The following MYO5B variants were observed in gnomAD, a reference collection of about 807,000 sequenced individuals.
MYO5B encodes unconventional myosin-Vb.
A neutral mutation model predicts 229.3 loss-of-function variants in MYO5B; 143 were observed. That is an observed-to-expected ratio of 0.62 (90% CI 0.54 to 0.72). MYO5B has a LOEUF of 0.72. MYO5B is among the 30% of genes least tolerant of loss of function. The pLI is 0.00. For synonymous variants in MYO5B, 918 were observed against 885.2 expected (o/e 1.04, Z -0.66); for missense variants, 2,321 against 2,331.0 (o/e 1.00, Z 0.09).
rs1021091439 is a variant in MYO5B at position 49,947,576 on chromosome 18, A to C, written c.1752+5684T>G. ...GTAATCAGATCAGGGCAATTGACAA[A>C]CTCCAATTATGTGTTTAGAGTTATT... On this transcript the variant is annotated intron_variant, in intron 14 of 39. Coordinates refer to ENST00000285039, the MANE Select transcript of MYO5B (RefSeq NM_001080467.3). Among the ~76,000 whole-genome samples the C allele has an allele frequency of 2.0e-5, 3 of 152,160 alleles. No individual in the cohort carries two copies. In the East Asian group the frequency reaches 5.8e-4, roughly 29 times the overall value.
rs573289133 is a variant in MYO5B at position 49,838,786 on chromosome 18, G to C, written c.4852+358C>G. Among the ~76,000 whole-genome samples, 3 of 152,218 alleles carry C rather than the reference G, an allele frequency of 2.0e-5. No individual in the cohort carries two copies. The South Asian group carries it at 6.2e-4, about 32-fold the overall frequency. On this transcript the variant is annotated intron_variant, in intron 36 of 39. Coordinates refer to ENST00000285039, the MANE Select transcript of MYO5B (RefSeq NM_001080467.3). The stretch of plus-strand genomic sequence containing the variant: ...TGTGTCCTTTCGCATGAACACTCCT[G>C]CTTTTTTCCATGAATCAAGTTCATA...
chr18:49,916,282 T>G (rs2025013085), intron 17 of MYO5B, among the ~76,000 whole-genome samples: 1 of 152,218 alleles, frequency 6.6e-6, no homozygotes, highest in Non-Finnish European at 1.5e-5. Context: ...AGTGAGGAGC[T>G]GTGGCTGCAA....
intron 16 of MYO5B, 109 bp downstream of exon 16, chr18:49,936,143 G>A: frequency 1.1e-6 from 1 of 874,958 alleles, no homozygotes; most frequent in Non-Finnish European, 1.9e-6. Flanking sequence ...GTAAGTCCAG[G>A]TGGTCATCAT....
rs572019536 is a variant in MYO5B, at chr18:50,014,450, A to G, written c.456-13039T>C. On this transcript the variant is annotated intron_variant, in intron 4 of 39. Coordinates refer to ENST00000285039, the MANE Select transcript of MYO5B (RefSeq NM_001080467.3). ...CTTGGTTTCCTCGTTTGTAAGAGAG[A>G]GTATTAATGATCCCTTAACTCTCTC... 4.6e-5 allele frequency among the ~76,000 whole-genome samples: 7 copies of G among 152,316 alleles called. No homozygotes were observed. In the South Asian group the frequency reaches 1.4e-3, roughly 32 times the overall value.
chr18:50,057,603 C>T (rs2030582411), intron 1 of MYO5B, among the ~76,000 whole-genome samples: 1 of 152,124 alleles, frequency 6.6e-6, no homozygotes, highest in Non-Finnish European at 1.5e-5. Flanking sequence ...CTGGCTTGAT[C>T]TCAACTTTTA....
chr18:50,081,241 A>G (rs1156644018), intron 1 of MYO5B, among the ~76,000 whole-genome samples: 1 of 152,168 alleles, frequency 6.6e-6, no homozygotes, highest in African/African-American at 2.4e-5. Context: ...ATTATCTCCT[A>G]AAGTCACCAG....
At chr18:50,043,510 T>G (rs1394704695) in intron 2 of MYO5B, among the ~76,000 whole-genome samples, 1 of 95,314 alleles carries the variant, frequency 1.0e-5, no homozygotes, top group African/African-American at 4.2e-5. Context: ...AATATAAATA[T>G]ATTTATAAGT....
At chr18:50,078,019 A>G (rs140111764) in intron 1 of MYO5B, among the ~76,000 whole-genome samples, 5 of 152,384 alleles carry the variant, frequency 3.3e-5, no homozygotes, top group Non-Finnish European at 7.3e-5. Flanking sequence ...AGGCAGGGGA[A>G]GTTGAGGAAT....
intron 1 of MYO5B, among the ~76,000 whole-genome samples, chr18:50,092,958 G>T (rs183680440): frequency 6.6e-6 from 1 of 152,028 alleles, no homozygotes; most frequent in African/African-American, 2.4e-5. Context: ...AAAAGACTCC[G>T]CAAACAAAAG....
chr18:49,868,016 A>G (rs2024416448), intron 27 of MYO5B, among the ~76,000 whole-genome samples: 3 of 152,214 alleles, frequency 2.0e-5, no homozygotes, highest in Admixed American at 6.5e-5. Flanking sequence ...TGTGATAATC[A>G]TGTCATAAAA....
intron 4 of MYO5B, among the ~76,000 whole-genome samples, chr18:50,029,008 G>A (rs185879515): frequency 6.6e-6 from 1 of 152,250 alleles, no homozygotes; most frequent in East Asian, 1.9e-4. Context: ...ATTTTAAAAG[G>A]AGATGGCAAT....
chr18:50,145,184 A>G (rs2032479932), intron 1 of MYO5B, among the ~76,000 whole-genome samples: 1 of 152,100 alleles, frequency 6.6e-6, no homozygotes, highest in African/African-American at 2.4e-5. Context: ...TGTCTATAGA[A>G]GTTTTAAGAG....
chr18:49,985,536 G>A (rs949166926), intron 7 of MYO5B, among the ~76,000 whole-genome samples: 1 of 152,208 alleles, frequency 6.6e-6, no homozygotes, highest in Admixed American at 6.5e-5. Flanking sequence ...TTAGTGCTTA[G>A]GAGGAAGCAG....
At chr18:49,984,035 C>T (rs866308125) in intron 8 of MYO5B, among the ~76,000 whole-genome samples, 4 of 152,162 alleles carry the variant, frequency 2.6e-5, no homozygotes, top group South Asian at 2.1e-4. Context: ...GCTGACTTCT[C>T]GAGCTTTCCT....
intron 1 of MYO5B, among the ~76,000 whole-genome samples, chr18:50,121,883 C>G (rs2032063240): frequency 6.6e-6 from 1 of 152,224 alleles, no homozygotes; most frequent in Non-Finnish European, 1.5e-5. Flanking sequence ...CCAATAACAG[C>G]CCTTTCTCAC....
intron 38 of MYO5B, among the ~76,000 whole-genome samples, chr18:49,836,150 G>C (rs1164063037): frequency 6.6e-6 from 1 of 152,150 alleles, no homozygotes; most frequent in Non-Finnish European, 1.5e-5. Context: ...ATCTTTCAGG[G>C]ACTGGCAATG....
intron 39 of MYO5B, among the ~76,000 whole-genome samples, chr18:49,827,872 C>T (rs897707829): frequency 1.3e-5 from 2 of 151,860 alleles, no homozygotes; most frequent in African/African-American, 2.4e-5. Flanking sequence ...CAGTGAAACA[C>T]ATTATACTAA....
At chr18:49,990,288 T>C in intron 7 of MYO5B, 151 bp downstream of exon 7, 1 of 672,160 alleles carries the variant, frequency 1.5e-6, no homozygotes, top group Non-Finnish European at 2.7e-6. Context: ...AATTGAGCAG[T>C]GAAATTTAGA....
At chr18:50,111,789 T>A (rs1358037187) in intron 1 of MYO5B, among the ~76,000 whole-genome samples, 1 of 152,246 alleles carries the variant, frequency 6.6e-6, no homozygotes, top group African/African-American at 2.4e-5. Context: ...TTTCTAAGTC[T>A]TAGCCCTTTC....
Sources: allele counts gnomAD v4.1 joint callset (sites outside exome capture counted in the v4.1 genomes callset), GRCh38; gene constraint gnomAD v4.1.1; transcripts MANE v1.5; gene names NCBI Gene and HGNC (gene_info 2026-07-23, HGNC 2026-07-21).